Variants in NADSYN1 observed in about 807,000 individuals in gnomAD.
NADSYN1 encodes glutamine-dependent NAD(+) synthetase.
Under a neutral mutation model 99.3 loss-of-function variants are expected in NADSYN1, and 80 were observed. That is an observed-to-expected ratio of 0.81 (90% CI 0.67 to 0.97). The LOEUF is 0.97. Ranked by LOEUF, NADSYN1 falls within the 50% of genes least tolerant of loss-of-function variation. The pLI is 0.00. For missense variants in NADSYN1, 859 were observed against 948.5 expected, an observed-to-expected ratio of 0.91 and a Z score of 1.24; for synonymous variants, 385 against 372.1, an observed-to-expected ratio of 1.03 and a Z score of -0.40.
chr11:71,479,604 C>T (rs567929932), intron 10 of NADSYN1: 1 of 152,374 alleles, frequency 6.6e-6, no homozygotes, highest in East Asian at 1.9e-4. Context: ...TGTCTGTCTT[C>T]ATGGATTTGC....
At position 71,453,205 on chromosome 11, in the gene NADSYN1, C is replaced by A. The variant is rs1565593584; in HGVS notation, c.-92C>A. Reference sequence around the variant, plus strand: ...GCGGGGAGGGGGCGGGGCCGGGCAACCCGGAAGGTCCGGCGTCCCAGCCGC... The same window carrying A: ...GCGGGGAGGGGGCGGGGCCGGGCAAACCGGAAGGTCCGGCGTCCCAGCCGC... On this transcript the variant is annotated 5_prime_UTR_variant, in exon 1 of 21. Coordinates refer to ENST00000319023, the MANE Select transcript of NADSYN1 (RefSeq NM_018161.5). The A allele has an allele frequency of 1.8e-6, 2 of 1,141,784 alleles. No homozygotes were observed. The highest frequency in any genetic ancestry group is 2.1e-5 in the Admixed American group (1 of 46,914). 70.7% of individuals were successfully genotyped at this position (1,141,784 alleles called of 1,614,324 possible).
Position 71,455,110 on chromosome 11 carries a change from G to C in NADSYN1, c.86G>C (p.Ser29Thr). ...FEGNLQRILK[S>T]IEIAKNRGAR... ...TTTCTTTTTCTCTCTGTACTTACAG[G>C]TATTGAAATTGCCAAAAACAGAGGA... Residue 29 changes from serine to threonine, a missense_variant and splice_region_variant, in exon 2 of 21, where the codon AGT (serine) becomes ACT (threonine). Transcript: ENST00000319023. The C allele has an allele frequency of 6.2e-7, 1 of 1,612,646 alleles. No homozygotes were observed. Among genetic ancestry groups the C allele is most frequent in the East Asian group, 2.2e-5 (1 of 44,866 alleles).
At chr11:71,453,528 C>CA in intron 1 of NADSYN1, 147 bp downstream of exon 1, 2 of 701,128 alleles carry the variant, frequency 2.9e-6, no homozygotes, top group Non-Finnish European at 2.5e-6. Context: ...GGGCAATGAC[C>CA]CCGCCAGTGG....
chr11:71,472,610 A>G lies in NADSYN1; in HGVS notation c.459+110A>G, dbSNP rs1591126632. 8.4e-6 allele frequency: 8 copies of G among 951,164 alleles called. No individual in the cohort carries two copies. The East Asian group carries it at 1.5e-4, about 18-fold the overall frequency. The allele number at this position is 951,164 out of a possible 1,614,324, so 58.9% of individuals were successfully genotyped here. ...TGGGATCCAGGTAATGGAAGGCACC[A>G]CAGTGCTCACAGGTCTGAAACAGAC... On this transcript the variant is annotated intron_variant, in intron 6 of 20. Transcript: ENST00000319023.
chr11:71,485,608 G>T lies in NADSYN1; in HGVS notation c.1522G>T (p.Gly508Cys). The change falls in exon 16 of 21, where the codon GGT (glycine) becomes TGT (cysteine). Residue 508 changes from glycine (G) to cysteine (C), a missense_variant. Transcript: ENST00000319023. The part of the protein sequence containing the change: ...QLSLWSRGVH[G>C]GLLVLGSANV... ...GAGCCTCTGGTCTCGGGGTGTCCAC[G>T]GTGGGCTCCTCGTGCTGGGATCCGC... The T allele has an allele frequency of 6.4e-7, 1 of 1,561,308 alleles. No homozygotes were observed.
chr11:71,485,358 G>T, intron 15 of NADSYN1, 184 bp from the exon 16 acceptor site: 1 of 484,492 alleles, frequency 2.1e-6, no homozygotes. Flanking sequence ...GAGCCCTGTG[G>T]AGGTGGGACC....
chr11:71,455,845 C>T (rs1378741583), intron 2 of NADSYN1, among the ~76,000 whole-genome samples: 1 of 152,244 alleles, frequency 6.6e-6, no homozygotes, highest in African/African-American at 2.4e-5. Flanking sequence ...AATCTTTCCA[C>T]AAGCAAGCAT....
In NADSYN1 at chr11:71,473,367, G is replaced by A; in HGVS notation, c.548+1G>A. ...GTGAGGAGCTCTGGACACCCCACAG[G>A]TCAGCCCCATGCCCCTGTGCTGTCT... On this transcript the variant is annotated splice_donor_variant, in intron 7 of 20. Transcript: ENST00000319023. LOFTEE classifies it high-confidence loss of function. 1 of 1,613,974 alleles carries A rather than the reference G, an allele frequency of 6.2e-7. No individual in the cohort carries two copies. Among genetic ancestry groups the A allele is most frequent in the Non-Finnish European group, 8.5e-7 (1 of 1,179,860 alleles).
intron 18 of NADSYN1, among the ~76,000 whole-genome samples, chr11:71,493,787 G>A (rs1166102234): frequency 6.6e-6 from 1 of 152,064 alleles, no homozygotes. Flanking sequence ...CAATGTATTT[G>A]TGTTTTAAGC....
intron 16 of NADSYN1, among the ~76,000 whole-genome samples, chr11:71,489,328 G>C (rs1271666366): frequency 6.6e-6 from 1 of 152,148 alleles, no homozygotes; most frequent in Non-Finnish European, 1.5e-5. Flanking sequence ...GATTTCACCA[G>C]AAAAAGTCTG....
At position 71,482,926 on chromosome 11, in the gene NADSYN1, G is replaced by A; in HGVS notation, c.1228G>A (p.Gly410Arg). The change falls in exon 14 of 21, where the codon GGA becomes AGA. Residue 410 changes from glycine to arginine, a missense_variant. Coordinates refer to ENST00000319023, the MANE Select transcript of NADSYN1 (RefSeq NM_018161.5). ...YTPQDPRDLCGRILTTCYMAS... is the reference protein window; with the variant it reads ...YTPQDPRDLCRRILTTCYMAS... The stretch of plus-strand genomic sequence containing the variant: ...CCCCCAGGATCCCCGAGACCTCTGT[G>A]GACGCATACTGACCACCTGCTACAT... The A allele has an allele frequency of 1.2e-6, 2 of 1,613,266 alleles. No individual in the cohort carries two copies. Among genetic ancestry groups the A allele is most frequent in the African/African-American group, 1.3e-5 (1 of 74,954 alleles).
chr11:71,478,612 A>C, intron 10 of NADSYN1, 143 bp downstream of exon 10: 1 of 729,116 alleles, frequency 1.4e-6, no homozygotes, highest in Non-Finnish European at 2.3e-6. Context: ...GAGCGTGGAA[A>C]GGGGCTGGTG....
intron 1 of NADSYN1, among the ~76,000 whole-genome samples, chr11:71,454,590 G>GC: frequency 1.1e-5 from 1 of 93,112 alleles, no homozygotes; most frequent in Non-Finnish European, 3.4e-5. Context: ...ACTGAAGAAG[G>GC]CTTGGCCAAA....
chr11:71,478,353 A>T, intron 9 of NADSYN1, 42 bp from the exon 10 acceptor site: 2 of 1,518,430 alleles, frequency 1.3e-6, no homozygotes, highest in Non-Finnish European at 1.8e-6. Context: ...GGAGTTGAAC[A>T]AACGGGAAAT....
At chr11:71,497,253 G>A (rs992481993) in intron 18 of NADSYN1, 21 of 518,644 alleles carry the variant, frequency 4.0e-5, no homozygotes, top group Admixed American at 9.8e-5. Context: ...GTGAGCCACC[G>A]TTCACCCGTT....
intron 2 of NADSYN1, among the ~76,000 whole-genome samples, chr11:71,457,667 G>C (rs1331844274): frequency 4.6e-5 from 7 of 152,176 alleles, no homozygotes; most frequent in Non-Finnish European, 1.0e-4. Flanking sequence ...TCCCTCCGAA[G>C]GCTCTTGGGG....
At chr11:71,458,665 G>T (rs1035912218) in intron 3 of NADSYN1, 121 bp downstream of exon 3, 3 of 720,682 alleles carry the variant, frequency 4.2e-6, no homozygotes, top group Non-Finnish European at 7.3e-6. Flanking sequence ...GATACGAAAG[G>T]CCTTATGCTT....
intron 6 of NADSYN1, among the ~76,000 whole-genome samples, chr11:71,472,757 A>G (rs1296913504): frequency 6.6e-6 from 1 of 152,034 alleles, no homozygotes; most frequent in African/African-American, 2.4e-5. Flanking sequence ...CCTCCTCTTC[A>G]TTTCCTCCTT....
At chr11:71,473,003 A>G (rs74651639) in intron 6 of NADSYN1, among the ~76,000 whole-genome samples, 19 of 152,326 alleles carry the variant, frequency 1.2e-4, no homozygotes, top group East Asian at 7.7e-4. Context: ...GCTGGCCCCA[A>G]TTGGCAGCCC....
Sources: allele counts gnomAD v4.1 joint callset (sites outside exome capture counted in the v4.1 genomes callset), GRCh38; gene constraint gnomAD v4.1.1; transcripts MANE v1.5; gene names NCBI Gene and HGNC (gene_info 2026-07-23, HGNC 2026-07-21).